TBC1D22B: variants seen among roughly 807,000 people sequenced by gnomAD.
The protein encoded by TBC1D22B is TBC1 domain family member 22B.
A neutral mutation model predicts 69.1 loss-of-function variants in TBC1D22B; 32 were observed. The observed-to-expected ratio is 0.46, with a 90% CI of 0.35 to 0.62. TBC1D22B has a LOEUF of 0.62. Ranked by LOEUF, TBC1D22B falls within the 20% of genes least tolerant of loss-of-function variation. The pLI is 0.00. For missense variants in TBC1D22B, 462 were observed against 630.9 expected (o/e 0.73, Z 2.87); for synonymous variants, 206 against 229.8 (o/e 0.90, Z 0.94).
chr6:37,271,323 G>GCAAAA (rs1195326568), intron 2 of TBC1D22B, among the ~76,000 whole-genome samples: 6 of 151,876 alleles, frequency 4.0e-5, no homozygotes, highest in African/African-American at 1.2e-4. Context: ...AAAAAACAAA[G>GCAAAA]CAAAACAAAA....
chr6:37,287,976 CAAGCAGT>C (rs1193602970), intron 7 of TBC1D22B, among the ~76,000 whole-genome samples: 1 of 152,172 alleles, frequency 6.6e-6, no homozygotes, highest in Non-Finnish European at 1.5e-5. Flanking sequence ...TGTTTTGACT[CAAGCAGT>C]AACTGTAAAC....
intron 8 of TBC1D22B, among the ~76,000 whole-genome samples, chr6:37,295,920 A>G (rs1167342195): frequency 6.6e-6 from 1 of 152,234 alleles, no homozygotes; most frequent in Non-Finnish European, 1.5e-5. Context: ...GGAAAAATCA[A>G]TCAATGTGGC....
chr6:37,310,775 T>G lies in TBC1D22B; in HGVS notation c.983-2143T>G, dbSNP rs538888073. 1.3e-4 allele frequency among the ~76,000 whole-genome samples: 20 copies of G among 152,376 alleles called. 1 individual carries two copies. In the South Asian group the frequency reaches 4.1e-3, roughly 32 times the overall value. Reference sequence around the variant, plus strand: ...TTACAAAGTCTTCTTTATTCTTTTTTGGTGATAAAAGGCAGATGTAGTCAA... The same window carrying G: ...TTACAAAGTCTTCTTTATTCTTTTTGGGTGATAAAAGGCAGATGTAGTCAA... On this transcript the variant is annotated intron_variant, in intron 8 of 12. Coordinates refer to ENST00000373491, the MANE Select transcript of TBC1D22B (RefSeq NM_017772.4).
chr6:37,295,273 T>G (rs1767327792), intron 8 of TBC1D22B, among the ~76,000 whole-genome samples: 1 of 151,772 alleles, frequency 6.6e-6, no homozygotes, highest in Admixed American at 6.6e-5. Flanking sequence ...CCCAGCCAAT[T>G]TTTTTATTTT....
At chr6:37,325,283 C>A (rs538939051) in intron 12 of TBC1D22B, among the ~76,000 whole-genome samples, 1 of 152,146 alleles carries the variant, frequency 6.6e-6, no homozygotes, top group Non-Finnish European at 1.5e-5. Context: ...CCATTTCCAA[C>A]TGTTTTCTAC....
intron 2 of TBC1D22B, among the ~76,000 whole-genome samples, chr6:37,273,177 C>A (rs561751758): frequency 8.1e-6 from 1 of 122,826 alleles, no homozygotes; most frequent in East Asian, 2.2e-4. Flanking sequence ...ACTCGTAACC[C>A]CGAGGCAAAA....
chr6:37,277,077 T>C (rs954021386), intron 2 of TBC1D22B, among the ~76,000 whole-genome samples: 3 of 152,102 alleles, frequency 2.0e-5, no homozygotes, highest in African/African-American at 4.8e-5. Flanking sequence ...TGTAGTGTGT[T>C]CATCCGGTCC....
At chr6:37,260,507 C>T (rs879803226) in intron 1 of TBC1D22B, among the ~76,000 whole-genome samples, 2 of 152,128 alleles carry the variant, frequency 1.3e-5, no homozygotes, top group Admixed American at 1.3e-4. Flanking sequence ...ATAAAATTCA[C>T]TCTTTTAAAG....
intron 8 of TBC1D22B, among the ~76,000 whole-genome samples, chr6:37,307,723 A>G (rs73421994): frequency 0.032 from 4,843 of 152,276 alleles, 242 homozygotes; most frequent in African/African-American, 0.11. Flanking sequence ...CAAGGACCCG[A>G]ATCAGGTAAA....
chr6:37,304,234 T>C (rs978842599), intron 8 of TBC1D22B, among the ~76,000 whole-genome samples: 4 of 152,238 alleles, frequency 2.6e-5, no homozygotes, highest in Non-Finnish European at 5.9e-5. Flanking sequence ...AGGGCACTGC[T>C]CTAGGCACTG....
At chr6:37,312,871 C>G (rs769444686) in intron 8 of TBC1D22B, 47 bp from the exon 9 acceptor site, 2 of 1,490,656 alleles carry the variant, frequency 1.3e-6, no homozygotes, top group Non-Finnish European at 1.9e-6. Flanking sequence ...TTTCTCTCTC[C>G]ATTTTTAGAT....
intron 12 of TBC1D22B, among the ~76,000 whole-genome samples, chr6:37,326,376 C>CAAAA (rs10651731): frequency 3.2e-4 from 37 of 115,860 alleles, no homozygotes; most frequent in South Asian, 1.5e-3. Context: ...GACTGCGCCT[C>CAAAA]AAAAAAAAAA....
intron 8 of TBC1D22B, among the ~76,000 whole-genome samples, chr6:37,311,693 GA>G (rs60562943): frequency 4.0e-5 from 6 of 150,738 alleles, no homozygotes; most frequent in East Asian, 3.9e-4. Context: ...AAGGAAGAAA[GA>G]AAAAAAAAGG....
At chr6:37,330,930 A>T (rs1341241463) in intron 12 of TBC1D22B, 114 bp from the exon 13 acceptor site, 1 of 1,051,668 alleles carries the variant, frequency 9.5e-7, no homozygotes, top group African/African-American at 1.6e-5. Context: ...ACTCTTTGAG[A>T]TGTGTGAGCC....
In TBC1D22B at chr6:37,302,639, A is replaced by G. The variant is rs1035972884; in HGVS notation, c.983-10279A>G. Among the ~76,000 whole-genome samples, 6 of 152,332 alleles carry G rather than the reference A, an allele frequency of 3.9e-5. No individual in the cohort carries two copies. In the South Asian group the frequency reaches 8.3e-4, roughly 21 times the overall value. On this transcript the variant is annotated intron_variant, in intron 8 of 12. Transcript: ENST00000373491. ...CCTTTTCTCTTTTCCTTTGCATAAA[A>G]CAGCACAGTAGGATTTTCACCGTAG...
chr6:37,316,946 A>T (rs1360292192), intron 11 of TBC1D22B, 116 bp downstream of exon 11: 5 of 1,558,318 alleles, frequency 3.2e-6, no homozygotes, highest in African/African-American at 1.4e-5. Flanking sequence ...TTCTACTTCC[A>T]TGTCTGCTTT....
intron 12 of TBC1D22B, among the ~76,000 whole-genome samples, chr6:37,318,715 C>T (rs1270016467): frequency 6.6e-6 from 1 of 152,054 alleles, no homozygotes; most frequent in Non-Finnish European, 1.5e-5. Flanking sequence ...GGGGGTGCTT[C>T]AGAGTCCCTA....
chr6:37,315,066 G>C (rs1267408834), intron 10 of TBC1D22B, among the ~76,000 whole-genome samples: 1 of 152,086 alleles, frequency 6.6e-6, no homozygotes, highest in Non-Finnish European at 1.5e-5. Flanking sequence ...GCCCTCTTCT[G>C]GGGGATAAGC....
chr6:37,331,069 T>C lies in TBC1D22B; in HGVS notation c.1415T>C (p.Leu472Pro). The change falls in exon 13 of 13, where the codon CTA becomes CCA. Residue 472 changes from leucine to proline, a missense_variant. Around this residue, in one of 2 missense-constraint regions of TBC1D22B, gnomAD observed 225 missense variants for 375.4 expected, o/e 0.60. Transcript: ENST00000373491. ...GGTCTCCTCATGCTGCTACAGAACC[T>C]ACCTACAATACACTGGGGCAACGAA... ...FQGLLMLLQN[L>P]PTIHWGNEEI... 1 of 1,614,116 alleles carries C rather than the reference T, an allele frequency of 6.2e-7. No homozygotes were observed. The highest frequency in any genetic ancestry group is 1.3e-5 in the African/African-American group (1 of 75,040).
Sources: gnomAD v4.1 joint callset for allele counts (sites outside exome capture counted in the v4.1 genomes callset) on GRCh38, gnomAD v4.1.1 for gene constraint, gnomAD v4.1.1 regional missense constraint, MANE v1.5 for transcripts, NCBI Gene and HGNC (gene_info 2026-07-23, HGNC 2026-07-21) for gene names.